Variants in CNOT1 observed in about 807,000 individuals in gnomAD.
The protein encoded by CNOT1 is CCR4-NOT transcription complex subunit 1, also known as CCR4-associated factor 1.
CNOT1 carries 15 observed loss-of-function variants against 273.8 expected under a neutral mutation model. The observed-to-expected ratio is 0.05, with a 90% CI of 0.04 to 0.08. The LOEUF is 0.08. Ranked by LOEUF, CNOT1 falls within the 10% of genes least tolerant of loss-of-function variation. The pLI, the probability that CNOT1 is intolerant of heterozygous loss-of-function variation, is 1.00. For synonymous variants in CNOT1, 1,022 were observed against 1,005.5 expected (o/e 1.02, Z -0.31); for missense variants, 1,644 against 2,912.2 (o/e 0.56, Z 10.02).
chr16:58,543,895 C>T lies in CNOT1; in HGVS notation c.4146G>A (p.Leu1382=). The T allele has an allele frequency of 6.2e-7, 1 of 1,604,272 alleles. No homozygotes were observed. Among genetic ancestry groups the T allele is most frequent in the Non-Finnish European group, 8.5e-7 (1 of 1,173,306 alleles). ...PHITLNPTIP[L]FQAHPQLKQC... ...GCTTCAACTGTGGATGGGCCTGAAA[C>T]AAGGGAATCTGGGGGGTTGGGGAGG... The change falls in exon 31 of 49, where the codon TTG becomes TTA. Residue 1382 remains leucine (L), a synonymous_variant. Coordinates refer to ENST00000317147, the MANE Select transcript of CNOT1 (RefSeq NM_016284.5).
At position 58,620,498 on chromosome 16, in the gene CNOT1, G is replaced by A. The variant is rs1009094326; in HGVS notation, c.-175+9230C>T. 3.3e-5 allele frequency among the ~76,000 whole-genome samples: 5 copies of A among 151,814 alleles called. 1 individual carries two copies. The highest frequency in any genetic ancestry group is 4.2e-4 in the South Asian group (2 of 4,804). On this transcript the variant is annotated intron_variant, in intron 1 of 48. Coordinates refer to ENST00000317147, the MANE Select transcript of CNOT1 (RefSeq NM_016284.5). Reference sequence around the variant, plus strand: ...TCTACTAAAAATGCAAAAATTAGCCGGGCGTGGTGTGGCAGGCACCTGTAA... The same window carrying A: ...TCTACTAAAAATGCAAAAATTAGCCAGGCGTGGTGTGGCAGGCACCTGTAA...
At chr16:58,526,817 CAAAAAAAA>C (rs58419483) in intron 44 of CNOT1, among the ~76,000 whole-genome samples, 2 of 88,128 alleles carry the variant, frequency 2.3e-5, no homozygotes, top group African/African-American at 3.8e-5. Flanking sequence ...AACTCCGTCT[CAAAAAAAA>C]AAAAAAAAAA....
chr16:58,547,073 C>CA lies in CNOT1; in HGVS notation c.3750+112dup. 1.4e-6 allele frequency: 2 copies of CA among 1,389,972 alleles called. No homozygotes were observed. Among genetic ancestry groups the CA allele is most frequent in the East Asian group, 4.8e-5 (2 of 41,656 alleles). The allele number at this position is 1,389,972 out of a possible 1,614,324, so 86.1% of individuals were successfully genotyped here. On this transcript the variant is annotated intron_variant, in intron 27 of 48. Coordinates refer to ENST00000317147, the MANE Select transcript of CNOT1 (RefSeq NM_016284.5). The surrounding 1 kb of genome is among the most constrained non-coding windows in gnomAD (Gnocchi z 4.0). ...GAAATCCAAGTGCCATAGAGGAAAA[C>CA]AGACTTAACTAGCTTTACCTCACAA...
rs781409823 is a variant in CNOT1, at chr16:58,543,406, T to C, written c.4434+201A>G. On this transcript the variant is annotated intron_variant, in intron 31 of 48. Coordinates refer to ENST00000317147, the MANE Select transcript of CNOT1 (RefSeq NM_016284.5). ...TCTGTCAAACATCGTGTTGAGAATA[T>C]AACAGAAAAAAAAAAAAACACACAG... The C allele has an allele frequency of 1.3e-4, 198 of 1,469,164 alleles. No individual in the cohort carries two copies. The highest frequency in any genetic ancestry group is 3.6e-4 in the Middle Eastern group (2 of 5,632). 91.0% of individuals were successfully genotyped at this position (1,469,164 alleles called of 1,614,324 possible).
rs375684485 is a variant in CNOT1 at position 58,595,778 on chromosome 16, C to CACCA, written c.102+3454_102+3457dup. ...CAGTGATCCTGCCTCTCTAACCCAT[C>CACCA]ACCAGTAATAAAGTATAACCAGGTG... On this transcript the variant is annotated intron_variant, in intron 2 of 48. Coordinates refer to ENST00000317147, the MANE Select transcript of CNOT1 (RefSeq NM_016284.5). 4.2e-3 allele frequency among the ~76,000 whole-genome samples: 633 copies of CACCA among 152,290 alleles called. 5 individuals are homozygous for CACCA. The highest frequency in any genetic ancestry group is 0.014 in the African/African-American group (592 of 41,550).
chr16:58,554,391 C>T (rs1160788866), intron 21 of CNOT1, among the ~76,000 whole-genome samples: 1 of 152,156 alleles, frequency 6.6e-6, no homozygotes, highest in Non-Finnish European at 1.5e-5. Context: ...AAATATTCTG[C>T]ATCAGCCAGG....
intron 31 of CNOT1, chr16:58,543,189 T>C: frequency 1.3e-6 from 2 of 1,482,540 alleles, no homozygotes; most frequent in Non-Finnish European, 1.8e-6. Context: ...AACCATGATA[T>C]CTGAGACTCA....
Position 58,587,823 on chromosome 16 carries a change from G to C in CNOT1, c.266C>G (p.Ser89Trp). ...ALLITKPNFI[S>W]TLSYAIDNPL... ...ATTATCAATGGCATAGGACAGCGTC[G>C]AGATAAAATTTGGCTTTGTAATCAG... Residue 89 changes from serine to tryptophan, a missense_variant, in exon 4 of 49, where the codon TCG becomes TGG. Physicochemically the swap from Ser to Trp is radical, Grantham distance 177. This residue lies in a region of CNOT1 where 706 missense variants were observed against 1,021.2 expected (regional missense o/e 0.69). Transcript: ENST00000317147. 6.2e-7 allele frequency: 1 copy of C among 1,613,768 alleles called. No individual in the cohort carries two copies. Among genetic ancestry groups the C allele is most frequent in the Non-Finnish European group, 8.5e-7 (1 of 1,179,994 alleles).
intron 16 of CNOT1, among the ~76,000 whole-genome samples, chr16:58,569,553 C>T (rs2041190742): frequency 6.6e-6 from 1 of 151,400 alleles, no homozygotes; most frequent in Non-Finnish European, 1.5e-5. Context: ...CGTTTTTTCC[C>T]ATCAGATACT....
chr16:58,567,032 T>C (rs1347960869), intron 16 of CNOT1, among the ~76,000 whole-genome samples: 1 of 152,118 alleles, frequency 6.6e-6, no homozygotes, highest in Admixed American at 6.5e-5. Flanking sequence ...CATGCGTCTA[T>C]AGGACCACCT....
Position 58,520,955 on chromosome 16 carries a change from C to G in CNOT1, c.*3G>C, listed in dbSNP as rs768747654. The G allele has an allele frequency of 2.5e-6, 4 of 1,612,860 alleles. No individual in the cohort carries two copies. In the Admixed American group the frequency reaches 5.0e-5, roughly 20 times the overall value. On this transcript the variant is annotated 3_prime_UTR_variant, in exon 49 of 49. Transcript: ENST00000317147. The stretch of plus-strand genomic sequence containing the variant: ...GACACGTACAACAGAGATGCAGTTT[C>G]GTCTAACTGGCACCTGTCCCTTCCA...
Position 58,522,264 on chromosome 16 carries a change from AAAAG to A in CNOT1, c.6918-951_6918-948del, listed in dbSNP as rs1241787506. 1.6e-3 allele frequency among the ~76,000 whole-genome samples: 234 copies of A among 147,046 alleles called. 1 individual carries two copies. Among genetic ancestry groups the A allele is most frequent in the Non-Finnish European group, 2.7e-3 (182 of 66,836 alleles). On this transcript the variant is annotated intron_variant, in intron 47 of 48. Transcript: ENST00000317147. Reference sequence around the variant, plus strand: ...AAAAAAAAAAAAAAAAAAAAAAAAAAAAAGCTAACATTGCTAGTTCACATGTAAA... The same window carrying A: ...AAAAAAAAAAAAAAAAAAAAAAAAAACTAACATTGCTAGTTCACATGTAAA...
chr16:58,540,006 G>A, intron 34 of CNOT1, 47 bp from the exon 35 acceptor site: 1 of 1,553,846 alleles, frequency 6.4e-7, no homozygotes. Context: ...AGAATGTTAA[G>A]GTTTTTTATT....
intron 1 of CNOT1, among the ~76,000 whole-genome samples, chr16:58,628,401 C>G (rs140254469): frequency 6.6e-6 from 1 of 152,130 alleles, no homozygotes; most frequent in African/African-American, 2.4e-5. Flanking sequence ...ACCGGGACCA[C>G]AGATCACTTA....
At chr16:58,551,521 C>T in intron 23 of CNOT1, 68 bp downstream of exon 23, 1 of 1,507,846 alleles carries the variant, frequency 6.6e-7, no homozygotes, top group Non-Finnish European at 9.1e-7. Flanking sequence ...AATTCTAATA[C>T]ATGTTCACCA....
chr16:58,627,402 T>TAAAAA (rs1567455087), intron 1 of CNOT1, among the ~76,000 whole-genome samples: 2 of 4,474 alleles, frequency 4.5e-4, no homozygotes, highest in African/African-American at 5.4e-3. Context: ...AGACTCCATC[T>TAAAAA]CAAAAAAAAA....
chr16:58,565,158 C>T (rs2040996561), intron 16 of CNOT1, among the ~76,000 whole-genome samples: 1 of 152,100 alleles, frequency 6.6e-6, no homozygotes, highest in African/African-American at 2.4e-5. Context: ...CTCACTGTCG[C>T]CCAGGCAGGA....
At chr16:58,605,673 T>C (rs2042651566) in intron 1 of CNOT1, among the ~76,000 whole-genome samples, 1 of 152,148 alleles carries the variant, frequency 6.6e-6, no homozygotes, top group South Asian at 2.1e-4. Context: ...AAATTACCTC[T>C]TTATTTTCCT....
chr16:58,612,225 G>T (rs1400858997), intron 1 of CNOT1, among the ~76,000 whole-genome samples: 1 of 152,034 alleles, frequency 6.6e-6, no homozygotes, highest in African/African-American at 2.4e-5. Context: ...TAAATATCAG[G>T]CACCTTAAGA....
Sources: allele counts gnomAD v4.1 joint callset (sites outside exome capture counted in the v4.1 genomes callset), GRCh38; gene constraint gnomAD v4.1.1; regional missense constraint gnomAD v4.1.1; non-coding constraint Gnocchi (gnomAD v3.1); transcripts MANE v1.5; gene names NCBI Gene and HGNC (gene_info 2026-07-23, HGNC 2026-07-21).